ADAMTSL1: variants seen among roughly 807,000 people sequenced by gnomAD.
The protein encoded by ADAMTSL1 is ADAMTS-like protein 1.
ADAMTSL1 carries 126 observed loss-of-function variants against 201.8 expected under a neutral mutation model. That is an observed-to-expected ratio of 0.62 (90% CI 0.54 to 0.72). ADAMTSL1 has a LOEUF of 0.72. ADAMTSL1 is among the 30% of genes least tolerant of loss of function. The probability of loss-of-function intolerance (pLI) is 0.00; values close to 1 mark genes in which losing one functional copy is unlikely to be tolerated. For synonymous variants in ADAMTSL1, 1,121 were observed against 903.4 expected (o/e 1.24, Z -4.32); for missense variants, 2,679 against 2,277.8 (o/e 1.18, Z -3.59).
At chr9:18,327,864 A>T (rs916327788) in intron 2 of ADAMTSL1, among the ~76,000 whole-genome samples, 1 of 152,204 alleles carries the variant, frequency 6.6e-6, no homozygotes, top group Non-Finnish European at 1.5e-5. Flanking sequence ...TTGGCTTTTC[A>T]TTTATTCATT....
At chr9:18,701,207 G>A (rs1831900402) in intron 13 of ADAMTSL1, among the ~76,000 whole-genome samples, 1 of 136,900 alleles carries the variant, frequency 7.3e-6, no homozygotes, top group African/African-American at 2.6e-5. Flanking sequence ...GTAATCTTTT[G>A]GGTTCTTTTT....
chr9:18,559,538 T>A (rs529194072), intron 3 of ADAMTSL1, among the ~76,000 whole-genome samples: 1 of 152,366 alleles, frequency 6.6e-6, no homozygotes, highest in South Asian at 2.1e-4. Context: ...TTTCTAATTC[T>A]GTGAAGAAAG....
intron 1 of ADAMTSL1, among the ~76,000 whole-genome samples, chr9:18,021,909 G>C (rs1396529690): frequency 6.6e-6 from 1 of 152,118 alleles, no homozygotes; most frequent in Non-Finnish European, 1.5e-5. Flanking sequence ...TAATGAACAG[G>C]TCAGAGGTGG....
chr9:18,097,543 A>G (rs1824306537), intron 1 of ADAMTSL1, among the ~76,000 whole-genome samples: 1 of 152,208 alleles, frequency 6.6e-6, no homozygotes, highest in South Asian at 2.1e-4. Context: ...GAATTGTATA[A>G]AAGTCTGGCT....
At chr9:18,016,080 C>T (rs1304168949) in intron 1 of ADAMTSL1, among the ~76,000 whole-genome samples, 1 of 151,978 alleles carries the variant, frequency 6.6e-6, no homozygotes, top group Non-Finnish European at 1.5e-5. Context: ...ATAACTTCCT[C>T]AAGGATTTAA....
At chr9:18,767,456 A>G (rs958754846) in intron 16 of ADAMTSL1, among the ~76,000 whole-genome samples, 9 of 152,230 alleles carry the variant, frequency 5.9e-5, no homozygotes, top group African/African-American at 1.9e-4. Flanking sequence ...TTTAGAACTG[A>G]TCTGATTATA....
At chr9:18,069,976 C>G (rs1822885461) in intron 1 of ADAMTSL1, among the ~76,000 whole-genome samples, 2 of 152,126 alleles carry the variant, frequency 1.3e-5, no homozygotes, top group South Asian at 4.2e-4. Context: ...CAGAACTTGT[C>G]ATGGGGAGAT....
chr9:18,580,185 A>G (rs900503677), intron 4 of ADAMTSL1, among the ~76,000 whole-genome samples: 5 of 152,206 alleles, frequency 3.3e-5, no homozygotes. Flanking sequence ...CTTATATAAT[A>G]TTGTTTTAAA....
intron 10 of ADAMTSL1, among the ~76,000 whole-genome samples, chr9:18,677,225 T>C (rs1254547956): frequency 6.6e-6 from 1 of 151,990 alleles, no homozygotes; most frequent in Non-Finnish European, 1.5e-5. Flanking sequence ...ACTCTTTCAC[T>C]ACGTGGCTAT....
chr9:18,320,219 G>T (rs2132849110), intron 2 of ADAMTSL1, among the ~76,000 whole-genome samples: 1 of 152,274 alleles, frequency 6.6e-6, no homozygotes, highest in South Asian at 2.1e-4. Context: ...GCTAAGAAAA[G>T]GAACAGTTAA....
In ADAMTSL1 at chr9:18,495,444, T is replaced by C. The variant is rs1468116747; in HGVS notation, c.64-9385T>C. On this transcript the variant is annotated intron_variant, in intron 1 of 28. Coordinates refer to ENST00000380548, the MANE Select transcript of ADAMTSL1 (RefSeq NM_001040272.6). ...TGATTAACTTGTTGGTTGCCATCTCTACCTTACATGGTTTCCTAGCCCCAG... is the reference window on the plus strand; with the variant it reads ...TGATTAACTTGTTGGTTGCCATCTCCACCTTACATGGTTTCCTAGCCCCAG... Among the ~76,000 whole-genome samples, 3 of 152,328 alleles carry C rather than the reference T, an allele frequency of 2.0e-5. No individual in the cohort carries two copies. In the East Asian group the frequency reaches 5.8e-4, roughly 29 times the overall value.
At chr9:18,416,012 T>G (rs979582843) in intron 2 of ADAMTSL1, among the ~76,000 whole-genome samples, 2 of 151,890 alleles carry the variant, frequency 1.3e-5, no homozygotes, top group African/African-American at 2.4e-5. Flanking sequence ...GCTAAAAGAA[T>G]TCATTACTAG....
chr9:18,897,371 G>T (rs1013581309), intron 26 of ADAMTSL1, among the ~76,000 whole-genome samples: 1 of 152,236 alleles, frequency 6.6e-6, no homozygotes, highest in Non-Finnish European at 1.5e-5. Context: ...AAAACAGCCA[G>T]ACTGATTCTT....
rs76446472 is a variant in ADAMTSL1 at position 18,208,655 on chromosome 9, A to G, written c.207+44674A>G. On this transcript the variant is annotated intron_variant, in intron 2 of 29. Transcript: ENST00000680146. ...TTTGAGGATAGTGAACCAGGCATAGAGGGGATAAGTGATCTGACTGAGAGC... is the reference window on the plus strand; with the variant it reads ...TTTGAGGATAGTGAACCAGGCATAGGGGGGATAAGTGATCTGACTGAGAGC... 5.4e-3 allele frequency among the ~76,000 whole-genome samples: 829 copies of G among 152,316 alleles called. 15 individuals carry two copies. The highest frequency in any genetic ancestry group is 0.019 in the African/African-American group (801 of 41,564).
chr9:18,120,225 A>T (rs955636545), intron 1 of ADAMTSL1, among the ~76,000 whole-genome samples: 1 of 152,194 alleles, frequency 6.6e-6, no homozygotes, highest in African/African-American at 2.4e-5. Context: ...TTTTTACCAC[A>T]TGGGCCTCTC....
intron 20 of ADAMTSL1, among the ~76,000 whole-genome samples, 176 bp from the exon 21 acceptor site, chr9:18,816,933 G>T (rs1463728396): frequency 6.6e-6 from 1 of 151,998 alleles, no homozygotes; most frequent in Non-Finnish European, 1.5e-5. Flanking sequence ...ACTGCGGTAG[G>T]TAGGTAGGTA....
intron 9 of ADAMTSL1, among the ~76,000 whole-genome samples, chr9:18,674,219 CACAA>C (rs146151385): frequency 0.16 from 24,535 of 150,482 alleles, 2,070 homozygotes; most frequent in South Asian, 0.21. Context: ...CACACACACA[CACAA>C]ACACACACAT....
chr9:18,393,786 C>T (rs1013864869), intron 2 of ADAMTSL1, among the ~76,000 whole-genome samples: 1 of 152,150 alleles, frequency 6.6e-6, no homozygotes, highest in Admixed American at 6.5e-5. Context: ...GTATTCCTGG[C>T]AGCCATCCCA....
intron 2 of ADAMTSL1, among the ~76,000 whole-genome samples, chr9:18,415,139 C>G (rs1027972773): frequency 1.3e-5 from 2 of 152,102 alleles, no homozygotes; most frequent in Non-Finnish European, 2.9e-5. Context: ...CTATACCCAA[C>G]AAGATAAAAT....
Sources: gnomAD v4.1 joint callset for allele counts (sites outside exome capture counted in the v4.1 genomes callset) on GRCh38, gnomAD v4.1.1 for gene constraint, MANE v1.5 for transcripts, NCBI Gene and HGNC (gene_info 2026-07-23, HGNC 2026-07-21) for gene names.